Variants in EFNA5 observed in about 807,000 individuals in gnomAD.
EFNA5 encodes ephrin-A5.
Under a neutral mutation model 22.9 loss-of-function variants are expected in EFNA5, and 5 were observed. The observed-to-expected ratio is 0.22, with a 90% CI of 0.11 to 0.46. The LOEUF (loss-of-function observed/expected upper bound fraction) is 0.46. Ranked by LOEUF, EFNA5 falls within the 20% of genes least tolerant of loss-of-function variation. The pLI, the probability that EFNA5 is intolerant of heterozygous loss-of-function variation, is 0.99. For missense variants in EFNA5, 237 were observed against 293.3 expected, an observed-to-expected ratio of 0.81 and a Z score of 1.40; for synonymous variants, 113 against 112.2, an observed-to-expected ratio of 1.01 and a Z score of -0.04.
At chr5:107,548,617 A>G (rs1273185061) in intron 1 of EFNA5, among the ~76,000 whole-genome samples, 2 of 152,204 alleles carry the variant, frequency 1.3e-5, no homozygotes, top group Non-Finnish European at 2.9e-5. Flanking sequence ...CACAGCACTG[A>G]AATGTACAGC....
At chr5:107,471,846 G>A (rs1266244378) in intron 1 of EFNA5, among the ~76,000 whole-genome samples, 2 of 152,222 alleles carry the variant, frequency 1.3e-5, no homozygotes, top group African/African-American at 2.4e-5. Flanking sequence ...GCTTGGTGTT[G>A]TAGCTATAGG....
intron 1 of EFNA5, among the ~76,000 whole-genome samples, chr5:107,443,372 G>A (rs899741029): frequency 3.3e-5 from 5 of 152,216 alleles, no homozygotes; most frequent in African/African-American, 1.2e-4. Flanking sequence ...ATAAGCTGCA[G>A]TGCCAGGCAC....
At chr5:107,566,049 C>T (rs189126561) in intron 1 of EFNA5, among the ~76,000 whole-genome samples, 16 of 152,246 alleles carry the variant, frequency 1.1e-4, no homozygotes, top group Admixed American at 9.2e-4. Context: ...CAGCAAGGGG[C>T]TCATTGATAT....
intron 1 of EFNA5, among the ~76,000 whole-genome samples, chr5:107,538,990 A>G (rs1051272878): frequency 2.6e-5 from 4 of 152,244 alleles, no homozygotes; most frequent in Non-Finnish European, 4.4e-5. Flanking sequence ...CGACTGTCAC[A>G]ACATTCACAG....
chr5:107,537,735 G>A (rs185220784), intron 1 of EFNA5, among the ~76,000 whole-genome samples: 32 of 152,298 alleles, frequency 2.1e-4, no homozygotes, highest in Admixed American at 2.0e-3. Flanking sequence ...AGCTCACACA[G>A]TTATTAGGTA....
chr5:107,660,829 C>G (rs544050685), intron 1 of EFNA5, among the ~76,000 whole-genome samples: 1 of 152,228 alleles, frequency 6.6e-6, no homozygotes, highest in Admixed American at 6.5e-5. Flanking sequence ...ATTATTTTCT[C>G]TAGTTTGACA....
intron 1 of EFNA5, among the ~76,000 whole-genome samples, chr5:107,562,575 T>TA (rs943576345): frequency 6.6e-5 from 10 of 151,888 alleles, no homozygotes; most frequent in African/African-American, 2.4e-4. Flanking sequence ...CATGGCCCAT[T>TA]AAAAAAAACT....
At chr5:107,469,097 GC>G (rs1750068333) in intron 1 of EFNA5, among the ~76,000 whole-genome samples, 2 of 152,108 alleles carry the variant, frequency 1.3e-5, no homozygotes, top group African/African-American at 4.8e-5. Flanking sequence ...AAAATGTGGG[GC>G]CCCTTGTTAA....
At chr5:107,461,986 A>T (rs1455779452) in intron 1 of EFNA5, among the ~76,000 whole-genome samples, 1 of 152,166 alleles carries the variant, frequency 6.6e-6, no homozygotes, top group Non-Finnish European at 1.5e-5. Context: ...ACTAAATTCC[A>T]ATGTGCCCTG....
chr5:107,419,116 C>T (rs3822565), intron 2 of EFNA5, among the ~76,000 whole-genome samples: 31,173 of 152,204 alleles, frequency 0.2, 3,355 homozygotes, highest in South Asian at 0.33. Context: ...AGCACCTGAG[C>T]TGATGCTGCG....
At chr5:107,597,454 T>C (rs1008206589) in intron 1 of EFNA5, among the ~76,000 whole-genome samples, 3 of 152,196 alleles carry the variant, frequency 2.0e-5, no homozygotes, top group African/African-American at 7.2e-5. Context: ...AAACATCATC[T>C]AGTTTTTTCA....
At chr5:107,589,717 C>T (rs1749277248) in intron 1 of EFNA5, among the ~76,000 whole-genome samples, 1 of 152,186 alleles carries the variant, frequency 6.6e-6, no homozygotes, top group Non-Finnish European at 1.5e-5. Flanking sequence ...CCAGAGACAG[C>T]ATCCTTTAAC....
At chr5:107,527,271 C>G (rs985679258) in intron 1 of EFNA5, among the ~76,000 whole-genome samples, 1 of 150,216 alleles carries the variant, frequency 6.7e-6, no homozygotes, top group Admixed American at 6.6e-5. Context: ...TCTTTTAAAA[C>G]AACCTTTTTT....
rs182025030 is a variant in EFNA5, at chr5:107,453,458, T to C, written c.126-25949A>G. Among the ~76,000 whole-genome samples, 388 of 152,312 alleles carry C rather than the reference T, an allele frequency of 2.5e-3. 2 individuals are homozygous for C. The highest frequency in any genetic ancestry group is 9.0e-3 in the African/African-American group (374 of 41,578). Reference sequence around the variant, plus strand: ...TAAAATATGCTGAGCCTATTATATATGGGACTCTTTCTTATGCACTCTATG... The same window carrying C: ...TAAAATATGCTGAGCCTATTATATACGGGACTCTTTCTTATGCACTCTATG... On this transcript the variant is annotated intron_variant, in intron 1 of 4. Transcript: ENST00000333274.
At chr5:107,650,913 G>A (rs916044423) in intron 1 of EFNA5, among the ~76,000 whole-genome samples, 3 of 152,172 alleles carry the variant, frequency 2.0e-5, no homozygotes, top group Non-Finnish European at 4.4e-5. Context: ...ACCAGTCCAC[G>A]AAACATTTAA....
intron 1 of EFNA5, among the ~76,000 whole-genome samples, chr5:107,634,433 T>C (rs1238714704): frequency 6.6e-6 from 1 of 152,128 alleles, no homozygotes; most frequent in Non-Finnish European, 1.5e-5. Flanking sequence ...GGAAGATCAC[T>C]TGAGCCCAGG....
intron 1 of EFNA5, among the ~76,000 whole-genome samples, chr5:107,537,027 C>T (rs1197402979): frequency 1.3e-5 from 2 of 151,132 alleles, no homozygotes; most frequent in Non-Finnish European, 1.5e-5. Context: ...ATGGCTTGAA[C>T]CCAGGAGGCG....
At chr5:107,429,156 C>G (rs1475174692) in intron 1 of EFNA5, among the ~76,000 whole-genome samples, 2 of 152,150 alleles carry the variant, frequency 1.3e-5, no homozygotes, top group African/African-American at 4.8e-5. Context: ...AATATACCAC[C>G]TTCTAGCCGG....
intron 1 of EFNA5, among the ~76,000 whole-genome samples, chr5:107,664,287 GATTA>G (rs1460271816): frequency 4.6e-5 from 7 of 152,234 alleles, no homozygotes; most frequent in South Asian, 4.1e-4. Context: ...GAAAAAACTT[GATTA>G]ATTTTTAATT....
Sources: allele counts gnomAD v4.1 joint callset (sites outside exome capture counted in the v4.1 genomes callset), GRCh38; gene constraint gnomAD v4.1.1; transcripts MANE v1.5; gene names NCBI Gene and HGNC (gene_info 2026-07-23, HGNC 2026-07-21).